SLC47A1: variants seen among roughly 807,000 people sequenced by gnomAD.
SLC47A1 encodes the protein multidrug and toxin extrusion protein 1.
Under a neutral mutation model 65.8 loss-of-function variants are expected in SLC47A1, and 58 were observed. The ratio of observed to expected loss-of-function variants is 0.88; its 90% CI spans 0.71 to 1.10. The LOEUF (loss-of-function observed/expected upper bound fraction) is 1.10, where lower values mean the gene tolerates loss of function less well. Among genes scored for constraint, SLC47A1 ranks in the 50% least tolerant of loss-of-function variants. The pLI is 0.00. For missense variants in SLC47A1, 706 were observed against 719.2 expected (o/e 0.98, Z 0.21); for synonymous variants, 285 against 295.0 (o/e 0.97, Z 0.35).
chr17:19,538,219 C>T (rs1382845616), intron 1 of SLC47A1, among the ~76,000 whole-genome samples: 6 of 152,246 alleles, frequency 3.9e-5, no homozygotes, highest in Non-Finnish European at 8.8e-5. Context: ...TAATAGCTGC[C>T]TTCTTTTCCC....
intron 2 of SLC47A1, among the ~76,000 whole-genome samples, chr17:19,543,162 T>A (rs1017203588): frequency 2.7e-5 from 4 of 148,718 alleles, no homozygotes; most frequent in African/African-American, 1.0e-4. Context: ...CAGGCTGGAG[T>A]GCAGTGGTGT....
In SLC47A1 at chr17:19,555,796, G is replaced by C; in HGVS notation, c.740G>C (p.Gly247Ala). Residue 247 changes from glycine (G) to alanine (A), a missense_variant and splice_region_variant, in exon 9 of 17, where the codon GGC becomes GCC. Transcript: ENST00000270570. Reference protein sequence around the residue: ...GKKLHQATWGGWSLECLQDWA... With the variant: ...GKKLHQATWGAWSLECLQDWA... ...GGAAATGTGTGTGTCCCCCCCACAG[G>C]CTGGTCCCTCGAGTGCCTGCAGGAC... The C allele has an allele frequency of 1.2e-6, 2 of 1,613,466 alleles. No individual in the cohort carries two copies. The highest frequency in any genetic ancestry group is 1.1e-5 in the South Asian group (1 of 91,080).
Position 19,560,277 on chromosome 17 carries a change from C to T in SLC47A1, c.1011C>T (p.Thr337=), listed in dbSNP as rs2289670. The T allele has an allele frequency of 9.0e-5, 146 of 1,613,630 alleles. No homozygotes were observed. In the East Asian group the frequency reaches 2.5e-3, roughly 28 times the overall value. The stretch of plus-strand genomic sequence containing the variant: ...TGGAGCAGGCACGGAAGTCCTCTAC[C>T]GTTTCCCTGCTGATTACAGGTGCTG... The part of the protein sequence containing the change: ...GDMEQARKSS[T]VSLLITVLFA... The change falls in exon 11 of 17, where the codon ACC becomes ACT. Residue 337 remains threonine (T), a synonymous_variant. Coordinates refer to ENST00000270570, the MANE Select transcript of SLC47A1 (RefSeq NM_018242.3).
chr17:19,556,017 G>A lies in SLC47A1; in HGVS notation c.876G>A (p.Leu292=), dbSNP rs774860691. 1.1e-5 allele frequency: 18 copies of A among 1,614,048 alleles called. No homozygotes were observed. The highest frequency in any genetic ancestry group is 1.4e-5 in the Non-Finnish European group (16 of 1,180,042). The change falls in exon 10 of 17, where the codon CTG becomes CTA. Residue 292 remains leucine, a synonymous_variant. Transcript: ENST00000270570. ...CAGGCATCCTCGGCATGGTGGAGCT[G>A]GGCGCTCAGTCCATCGTGTATGAAC... The part of the protein sequence containing the change: ...FLSGILGMVE[L]GAQSIVYELA...
intron 12 of SLC47A1, among the ~76,000 whole-genome samples, chr17:19,566,125 A>C (rs1200169963): frequency 6.6e-6 from 1 of 152,188 alleles, no homozygotes; most frequent in East Asian, 1.9e-4. Context: ...GTTATGGCCT[A>C]CTTTATTACT....
intron 1 of SLC47A1, 77 bp downstream of exon 1, chr17:19,534,151 T>C (rs1299667808): frequency 1.4e-6 from 2 of 1,409,858 alleles, no homozygotes; most frequent in African/African-American, 1.5e-5. Context: ...GCGGGTGACT[T>C]TGGCGGGCTT....
At chr17:19,541,662 C>A (rs983362940) in intron 1 of SLC47A1, among the ~76,000 whole-genome samples, 19 of 152,208 alleles carry the variant, frequency 1.2e-4, no homozygotes, top group African/African-American at 3.1e-4. Flanking sequence ...ACCTCCAGCT[C>A]CTCCTGTCTA....
intron 14 of SLC47A1, among the ~76,000 whole-genome samples, chr17:19,569,680 G>T (rs954036154): frequency 1.3e-5 from 2 of 152,178 alleles, no homozygotes; most frequent in African/African-American, 4.8e-5. Flanking sequence ...TAAATTCCTG[G>T]GCCTTGCCCA....
chr17:19,539,517 C>T (rs772805394), intron 1 of SLC47A1, among the ~76,000 whole-genome samples: 1 of 151,900 alleles, frequency 6.6e-6, no homozygotes, highest in Non-Finnish European at 1.5e-5. Context: ...TGGAGTCTCT[C>T]TCTGTCACCC....
chr17:19,552,872 C>T (rs1364685015), intron 6 of SLC47A1, among the ~76,000 whole-genome samples: 2 of 151,964 alleles, frequency 1.3e-5, no homozygotes, highest in South Asian at 2.1e-4. Flanking sequence ...GGTCAGCGTG[C>T]GCAGGGCCTT....
chr17:19,577,254 T>G (rs2084447820), intron 16 of SLC47A1, 73 bp from the exon 17 acceptor site: 2 of 1,570,844 alleles, frequency 1.3e-6, no homozygotes, highest in Non-Finnish European at 8.6e-7. Flanking sequence ...CACATATTCC[T>G]TTTATACATA....
intron 10 of SLC47A1, among the ~76,000 whole-genome samples, chr17:19,558,752 C>A (rs992887561): frequency 2.0e-5 from 3 of 152,168 alleles, no homozygotes; most frequent in African/African-American, 7.2e-5. Flanking sequence ...CCAGTATTAA[C>A]TTTGATTGCT....
intron 14 of SLC47A1, 26 bp from the exon 15 acceptor site, chr17:19,571,452 C>A (rs1326567825): frequency 1.3e-6 from 2 of 1,594,900 alleles, no homozygotes; most frequent in Non-Finnish European, 1.7e-6. Context: ...ATGGAATTAA[C>A]CTCTATTAAA....
intron 16 of SLC47A1, among the ~76,000 whole-genome samples, chr17:19,576,840 A>G (rs2084444130): frequency 6.6e-6 from 1 of 151,984 alleles, no homozygotes; most frequent in Non-Finnish European, 1.5e-5. Flanking sequence ...CCTGGGTTCA[A>G]GCGATTCTCC....
chr17:19,549,656 G>A lies in SLC47A1; in HGVS notation c.477G>A (p.Thr159=), dbSNP rs750949305. ...DVSRLTQTYV[T]IFIPALPATF... ...TTAGGCTTACCCAGACCTATGTCAC[G>A]ATCTTCATTCCAGCTCTTCCTGTAA... Residue 159 remains threonine (T), a synonymous_variant, in exon 5 of 17, where the codon ACG becomes ACA. Transcript: ENST00000270570. The A allele has an allele frequency of 9.3e-6, 15 of 1,613,940 alleles. No homozygotes were observed. The highest frequency in any genetic ancestry group is 2.2e-5 in the South Asian group (2 of 91,070).
intron 1 of SLC47A1, among the ~76,000 whole-genome samples, chr17:19,537,666 C>T (rs115438384): frequency 2.0e-5 from 3 of 152,314 alleles, no homozygotes; most frequent in South Asian, 2.1e-4. Flanking sequence ...TTCGTATCTC[C>T]GCTCTCATGC....
chr17:19,568,761 AT>A (rs2084378151), intron 14 of SLC47A1, among the ~76,000 whole-genome samples: 2 of 152,078 alleles, frequency 1.3e-5, no homozygotes, highest in Non-Finnish European at 1.5e-5. Context: ...CTTCCTGTCT[AT>A]CAGAAATTTG....
chr17:19,576,431 A>G (rs905702236), intron 16 of SLC47A1, among the ~76,000 whole-genome samples: 1 of 142,968 alleles, frequency 7.0e-6, no homozygotes, highest in Non-Finnish European at 1.5e-5. Flanking sequence ...AGCTAACTGC[A>G]CCTCGATATC....
At chr17:19,549,772 G>T (rs1916397222) in intron 5 of SLC47A1, 95 bp downstream of exon 5, 1 of 1,346,450 alleles carries the variant, frequency 7.4e-7, no homozygotes, top group African/African-American at 1.4e-5. Context: ...CTCAGTCTTA[G>T]ATGATTCTTA....
Sources: gnomAD v4.1 joint callset for allele counts (sites outside exome capture counted in the v4.1 genomes callset) on GRCh38, gnomAD v4.1.1 for gene constraint, MANE v1.5 for transcripts, NCBI Gene and HGNC (gene_info 2026-07-23, HGNC 2026-07-21) for gene names.